Variants in TRMT2B observed in about 807,000 individuals in gnomAD.
TRMT2B encodes tRNA methyltransferase 2B.
A neutral mutation model predicts 39.7 loss-of-function variants in TRMT2B; 34 were observed. The ratio of observed to expected loss-of-function variants is 0.86; its 90% CI spans 0.65 to 1.14. TRMT2B has a LOEUF of 1.14. Among genes scored for constraint, TRMT2B ranks in the 50% most tolerant of loss-of-function variants. The pLI, the probability that TRMT2B is intolerant of heterozygous loss-of-function variation, is 0.00. For synonymous variants in TRMT2B, 132 were observed against 137.3 expected, an observed-to-expected ratio of 0.96 and a Z score of 0.27; for missense variants, 318 against 377.2, an observed-to-expected ratio of 0.84 and a Z score of 1.30.
At chrX:101,018,503 C>T (rs762223054) in intron 13 of TRMT2B, among the ~76,000 whole-genome samples, 49 of 105,798 alleles carry the variant, frequency 4.6e-4, no homozygotes, top group South Asian at 2.2e-3. Flanking sequence ...AGTGCAATGG[C>T]GCGATCTTGG....
At chrX:100,982,507 A>G in the TRMT2B span, among the ~76,000 whole-genome samples, 805 of 92,377 alleles carry the variant, frequency 8.7e-3, 7 homozygotes, top group African/African-American at 0.029. Flanking sequence ...ATAAATAAAT[A>G]AAATGCTCTA....
At chrX:101,035,731 T>G (rs1479519747) in intron 6 of TRMT2B, 48 bp from the exon 7 acceptor site, 1 of 1,105,660 alleles carries the variant, frequency 9.0e-7, no homozygotes, top group Non-Finnish European at 1.2e-6. Context: ...AAAAGATTAT[T>G]TAAAAGAAAA....
At chrX:100,989,479 G>A in the TRMT2B span, among the ~76,000 whole-genome samples, 8 of 109,473 alleles carry the variant, frequency 7.3e-5, no homozygotes, top group East Asian at 2.9e-4. Context: ...GCATGGTGGC[G>A]GACGCCTGTA....
At chrX:100,990,337 G>C in the TRMT2B span, 1 of 916,690 alleles carries the variant, frequency 1.1e-6, no homozygotes, top group Non-Finnish European at 1.3e-6. Context: ...TTTCAACAGA[G>C]AAAGTAAAAG....
At chrX:100,981,655 A>G in the TRMT2B span, among the ~76,000 whole-genome samples, 1 of 107,935 alleles carries the variant, frequency 9.3e-6, no homozygotes, top group Non-Finnish European at 1.9e-5. Context: ...AAAGAAAAAA[A>G]AAAATTAGCC....
At position 101,052,072 on chromosome X, in the gene TRMT2B, C is replaced by T. The variant is rs1408811495; in HGVS notation, c.-762G>A. 1 of 111,245 alleles carries T rather than the reference C, an allele frequency of 9.0e-6. No homozygotes were observed. Among genetic ancestry groups the T allele is most frequent in the Non-Finnish European group, 1.9e-5 (1 of 52,976 alleles). The allele number at this position is 111,245 out of a possible 1,213,427, so 9.2% of individuals were successfully genotyped here. On this transcript the variant is annotated 5_prime_UTR_variant, in exon 1 of 14. Transcript: ENST00000372936. ...ACCTTCCTTAAAAGCACTCATAGCC[C>T]TGACACCCGCCGCCTTCCTTCTCTA...
chrX:101,033,512 T>G (rs749905277), intron 7 of TRMT2B, among the ~76,000 whole-genome samples: 4 of 109,727 alleles, frequency 3.6e-5, no homozygotes, highest in African/African-American at 1.3e-4. Flanking sequence ...GGAGAATTGC[T>G]GGAACCTGGT....
chrX:100,997,747 T>C, the TRMT2B span, among the ~76,000 whole-genome samples: 2 of 112,265 alleles, frequency 1.8e-5, no homozygotes, highest in Non-Finnish European at 3.8e-5. Context: ...ACAAGTAGGT[T>C]ATTTTTAGCA....
the TRMT2B span, among the ~76,000 whole-genome samples, chrX:100,977,588 C>T: frequency 9.1e-6 from 1 of 110,352 alleles, no homozygotes; most frequent in Non-Finnish European, 1.9e-5. Context: ...ACCATGTTGG[C>T]CAGGCTGGTC....
intron 2 of TRMT2B, among the ~76,000 whole-genome samples, chrX:101,050,270 G>C (rs926798285): frequency 3.6e-5 from 4 of 111,990 alleles, no homozygotes; most frequent in African/African-American, 1.3e-4. Context: ...CATCATTCTA[G>C]GTAAAGAGCC....
the TRMT2B span, among the ~76,000 whole-genome samples, chrX:100,978,624 G>GT: frequency 1.7e-3 from 172 of 102,681 alleles, no homozygotes; most frequent in Admixed American, 3.9e-3. Flanking sequence ...CAGATCATGT[G>GT]TTTTTTTTTT....
the TRMT2B span, among the ~76,000 whole-genome samples, chrX:100,981,783 T>G: frequency 9.3e-6 from 1 of 107,981 alleles, no homozygotes; most frequent in Non-Finnish European, 1.9e-5. Flanking sequence ...CACTCCAGCA[T>G]GGATGACAGA....
chrX:100,984,293 T>G, the TRMT2B span, among the ~76,000 whole-genome samples: 2 of 108,379 alleles, frequency 1.8e-5, no homozygotes, highest in Non-Finnish European at 3.8e-5. Flanking sequence ...TGTTTTTTGT[T>G]TTTTTTTTTC....
At chrX:101,041,043 A>T (rs2088201326) in intron 4 of TRMT2B, among the ~76,000 whole-genome samples, 1 of 110,579 alleles carries the variant, frequency 9.0e-6, no homozygotes, top group African/African-American at 3.3e-5. Context: ...ATCTCTACTA[A>T]AAATAGAAAA....
At chrX:101,005,153 G>A (rs2086091710), downstream of TRMT2B, among the ~76,000 whole-genome samples, 1 of 111,550 alleles carries the variant, frequency 9.0e-6, no homozygotes, top group South Asian at 3.8e-4. Context: ...AGCATTCTGG[G>A]AGGCCAAGGT....
intron 7 of TRMT2B, among the ~76,000 whole-genome samples, chrX:101,027,406 A>AT (rs751653222): frequency 0.011 from 962 of 90,704 alleles, 11 homozygotes; most frequent in African/African-American, 0.032. Context: ...TAATTTTTGC[A>AT]TTTTTTTTTT....
At chrX:101,038,371 C>CA (rs57481304) in intron 4 of TRMT2B, among the ~76,000 whole-genome samples, 1,038 of 34,949 alleles carry the variant, frequency 0.03, 85 homozygotes, top group African/African-American at 0.08. Context: ...AACTCCGTCT[C>CA]AAAAAAAAAA....
chrX:101,020,638 G>T, intron 10 of TRMT2B, 50 bp from the exon 11 acceptor site: 1 of 966,407 alleles, frequency 1.0e-6, no homozygotes, highest in Non-Finnish European at 1.5e-6. Context: ...GTTTAGGTGT[G>T]GTAGTTTGTT....
rs192615400 is a variant in TRMT2B at position 101,051,635 on chromosome X, G to A, written c.-408C>T. On this transcript the variant is annotated 5_prime_UTR_variant, in exon 2 of 14. The change creates a new upstream start codon in the 5' untranslated region. Transcript: ENST00000372936. ...TTAGGGCACAGGCCCACGCTGGGCCGTACACGACCTTGCGCAGTCACCGTC... is the reference window on the plus strand; with the variant it reads ...TTAGGGCACAGGCCCACGCTGGGCCATACACGACCTTGCGCAGTCACCGTC... 4.0e-6 allele frequency: 3 copies of A among 753,544 alleles called. No individual in the cohort carries two copies. Among genetic ancestry groups the A allele is most frequent in the East Asian group, 3.0e-4 (2 of 6,562 alleles). The allele number at this position is 753,544 out of a possible 1,213,427, so 62.1% of individuals were successfully genotyped here.
Sources: allele counts gnomAD v4.1 joint callset (sites outside exome capture counted in the v4.1 genomes callset), GRCh38; gene constraint gnomAD v4.1.1; transcripts MANE v1.5; gene names NCBI Gene and HGNC (gene_info 2026-07-23, HGNC 2026-07-21).